The following PPP3CB variants were observed in gnomAD, a reference collection of about 807,000 sequenced individuals.
The protein encoded by PPP3CB is serine/threonine-protein phosphatase 2B catalytic subunit beta isoform.
Under a neutral mutation model 66.4 loss-of-function variants are expected in PPP3CB, and 8 were observed. The observed-to-expected ratio is 0.12, with a 90% confidence interval of 0.07 to 0.22. The LOEUF is 0.22. Ranked by LOEUF, PPP3CB falls within the 10% of genes least tolerant of loss-of-function variation. The pLI is 1.00. For missense variants in PPP3CB, 319 were observed against 642.5 expected (o/e 0.50, Z 5.44); for synonymous variants, 208 against 221.2 (o/e 0.94, Z 0.53).
chr10:73,457,686 C>T (rs375270121), intron 9 of PPP3CB, among the ~76,000 whole-genome samples: 433 of 147,310 alleles, frequency 2.9e-3, no homozygotes, highest in African/African-American at 9.7e-3. Flanking sequence ...TGCAGTGAGC[C>T]AAGATGGTAC....
At chr10:73,469,679 G>A (rs974099242) in intron 8 of PPP3CB, among the ~76,000 whole-genome samples, 17 of 152,160 alleles carry the variant, frequency 1.1e-4, no homozygotes. Context: ...TTTGGTCTCA[G>A]GCAAGTGTTT....
rs569646618 is a variant in PPP3CB at position 73,494,152 on chromosome 10, T to G, written c.85+1653A>C. Among the ~76,000 whole-genome samples the G allele has an allele frequency of 8.0e-4, 121 of 151,468 alleles. 1 individual carries two copies. The South Asian group carries it at 0.013, about 17-fold the overall frequency. On this transcript the variant is annotated intron_variant, in intron 1 of 13. Transcript: ENST00000360663. ...AGGATTTCTTGATAGAATGAATGTCTGCATTACTATTTTTTTTTTAAGATT... is the reference window on the plus strand; with the variant it reads ...AGGATTTCTTGATAGAATGAATGTCGGCATTACTATTTTTTTTTTAAGATT...
intron 10 of PPP3CB, among the ~76,000 whole-genome samples, chr10:73,450,349 G>A (rs1373808989): frequency 6.6e-6 from 1 of 152,178 alleles, no homozygotes; most frequent in East Asian, 1.9e-4. Context: ...AAGATGGAGG[G>A]AGTTAGAGGG....
chr10:73,476,355 G>A (rs568250417), intron 3 of PPP3CB, among the ~76,000 whole-genome samples: 4 of 151,998 alleles, frequency 2.6e-5, no homozygotes, highest in Non-Finnish European at 4.4e-5. Flanking sequence ...AGTGGCTCAC[G>A]CCTGTAATCC....
At chr10:73,448,923 G>C (rs918580734) in intron 10 of PPP3CB, among the ~76,000 whole-genome samples, 3 of 152,290 alleles carry the variant, frequency 2.0e-5, no homozygotes, top group African/African-American at 7.2e-5. Context: ...TAAAAGACAT[G>C]TGCATGGAAG....
chr10:73,440,559 C>A (rs2056126834), intron 12 of PPP3CB, among the ~76,000 whole-genome samples: 1 of 152,216 alleles, frequency 6.6e-6, no homozygotes. Context: ...GAAAGGACTT[C>A]TCCTGTCTAC....
intron 9 of PPP3CB, among the ~76,000 whole-genome samples, chr10:73,461,920 C>G (rs2056527329): frequency 6.6e-6 from 1 of 152,070 alleles, no homozygotes; most frequent in African/African-American, 2.4e-5. Flanking sequence ...CCCTTTGGTG[C>G]TGTCCTCACG....
intron 3 of PPP3CB, chr10:73,477,186 GAT>G (rs760188392): frequency 1.9e-6 from 1 of 518,792 alleles, no homozygotes; most frequent in Non-Finnish European, 3.8e-6. Flanking sequence ...AGGATTAATC[GAT>G]ATGTCTTCAG....
chr10:73,479,330 T>A lies in PPP3CB; in HGVS notation c.273A>T (p.Glu91Asp), dbSNP rs748078649. ...GAATAAGCTTACCTGTGATTGGAGCTTCTACTTCTATCATGGTTTTCTCTC... is the reference window on the plus strand; with the variant it reads ...GAATAAGCTTACCTGTGATTGGAGCATCTACTTCTATCATGGTTTTCTCTC... ...LRREKTMIEV[E>D]APITVCGDIH... Residue 91 changes from glutamate (E) to aspartate (D), a missense_variant, in exon 2 of 14, where the codon GAA (glutamate) becomes GAT (aspartate). Around this residue, in one of 5 missense-constraint regions of PPP3CB, gnomAD observed 104 missense variants for 128.4 expected, o/e 0.81. Transcript: ENST00000360663. 8.7e-6 allele frequency: 14 copies of A among 1,613,798 alleles called. No homozygotes were observed. The highest frequency in any genetic ancestry group is 1.1e-5 in the Non-Finnish European group (13 of 1,179,824).
In PPP3CB at chr10:73,451,563, T is replaced by C. The variant is rs2056344021; in HGVS notation, c.1186+2849A>G. ...AGTTTGGAAAACTAAATACTATTTT[T>C]TAAAAAAGAAAGAAAGAGAAAGGAA... is the stretch of plus-strand genomic sequence containing the variant. On this transcript the variant is annotated intron_variant, in intron 10 of 13. Transcript: ENST00000360663. Among the ~76,000 whole-genome samples the C allele has an allele frequency of 1.3e-5, 2 of 151,056 alleles. 1 individual carries two copies. The highest frequency in any genetic ancestry group is 4.2e-4 in the South Asian group (2 of 4,808).
At chr10:73,485,998 T>C (rs1478798941) in intron 1 of PPP3CB, among the ~76,000 whole-genome samples, 4 of 150,448 alleles carry the variant, frequency 2.7e-5, no homozygotes, top group Non-Finnish European at 5.9e-5. Flanking sequence ...CAGGCTAGAA[T>C]GCAGTGGCGC....
At chr10:73,491,406 C>T (rs1364426049) in intron 1 of PPP3CB, among the ~76,000 whole-genome samples, 2 of 151,882 alleles carry the variant, frequency 1.3e-5, no homozygotes, top group African/African-American at 4.8e-5. Context: ...CTCAAGTGAT[C>T]CCCCCGCCTC....
chr10:73,455,030 G>T (rs1295738938), intron 9 of PPP3CB, among the ~76,000 whole-genome samples: 2 of 151,814 alleles, frequency 1.3e-5, no homozygotes, highest in African/African-American at 2.4e-5. Flanking sequence ...CCATCGTCAT[G>T]CCCAGCTAAT....
intron 10 of PPP3CB, among the ~76,000 whole-genome samples, chr10:73,454,161 T>C (rs572242133): frequency 2.4e-4 from 36 of 152,324 alleles, no homozygotes; most frequent in African/African-American, 7.9e-4. Context: ...CAATTTTCCT[T>C]TCCTTATCTT....
At chr10:73,489,544 T>C (rs2057038921) in intron 1 of PPP3CB, among the ~76,000 whole-genome samples, 1 of 152,160 alleles carries the variant, frequency 6.6e-6, no homozygotes, top group Non-Finnish European at 1.5e-5. Flanking sequence ...AATAAGATTT[T>C]ATTAGCTCTA....
intron 10 of PPP3CB, among the ~76,000 whole-genome samples, chr10:73,448,339 A>AG (rs2056292515): frequency 1.3e-5 from 2 of 152,228 alleles, no homozygotes; most frequent in Non-Finnish European, 2.9e-5. Context: ...TGGTCACAGT[A>AG]ACATTTCTTT....
chr10:73,450,571 C>T (rs1489099012), intron 10 of PPP3CB, among the ~76,000 whole-genome samples: 1 of 152,126 alleles, frequency 6.6e-6, no homozygotes, highest in Non-Finnish European at 1.5e-5. Flanking sequence ...ACTCCTAATA[C>T]GTGGTACTGG....
At position 73,471,630 on chromosome 10, in the gene PPP3CB, CTAATTGAAAATTA is replaced by C; in HGVS notation, c.524-30_524-18del. On this transcript the variant is annotated intron_variant, in intron 4 of 13. Coordinates refer to ENST00000360663, the MANE Select transcript of PPP3CB (RefSeq NM_021132.4). Reference sequence around the variant, plus strand: ...TAATTTTACCTAGAAAAACAAAAAACTAATTGAAAATTACATTACTGGTGGTGGTGTGACCATT... The same window carrying C: ...TAATTTTACCTAGAAAAACAAAAAACCATTACTGGTGGTGGTGTGACCATT... 3 of 1,554,110 alleles carry C rather than the reference CTAATTGAAAATTA, an allele frequency of 1.9e-6. No individual in the cohort carries two copies. The highest frequency in any genetic ancestry group is 1.4e-5 in the African/African-American group (1 of 72,288).
At chr10:73,439,838 A>AG in intron 13 of PPP3CB, 34 bp downstream of exon 13, 1 of 1,605,596 alleles carries the variant, frequency 6.2e-7, no homozygotes, top group Non-Finnish European at 8.5e-7. Context: ...CACACACCAC[A>AG]GATCTCTGCC....
Sources: gnomAD v4.1 joint callset for allele counts (sites outside exome capture counted in the v4.1 genomes callset) on GRCh38, gnomAD v4.1.1 for gene constraint, gnomAD v4.1.1 regional missense constraint, MANE v1.5 for transcripts, NCBI Gene and HGNC (gene_info 2026-07-23, HGNC 2026-07-21) for gene names.